The following EPPK1 variants were observed in gnomAD, a reference collection of about 807,000 sequenced individuals.
EPPK1 encodes the protein epiplakin 1.
For synonymous variants in EPPK1, 1,862 were observed against 1,721.2 expected (o/e 1.08, Z -2.03); for missense variants, 3,823 against 3,673.3 (o/e 1.04, Z -1.05).
At position 143,872,167 on chromosome 8, in the gene EPPK1, C is replaced by T. The variant is rs556501835; in HGVS notation, c.1087G>A (p.Val363Met). The change falls in exon 2 of 2, where the codon GTG becomes ATG. Residue 363 changes from valine (V) to methionine (M), a missense_variant. Physicochemically the swap from Val to Met is conservative, Grantham distance 21. Transcript: ENST00000615648. ...HEQLLVAEQA[V>M]TGHHDPFSGS... ...CTGAAGGGGTCGTGGTGCCCTGTCACGGCCTGCTCGGCCACCAGGAGCTGC... is the reference window on the plus strand; with the variant it reads ...CTGAAGGGGTCGTGGTGCCCTGTCATGGCCTGCTCGGCCACCAGGAGCTGC... The T allele has an allele frequency of 4.2e-5, 67 of 1,587,382 alleles. No homozygotes were observed. In the East Asian group the frequency reaches 9.7e-4, roughly 23 times the overall value.
Position 143,870,066 on chromosome 8 carries a change from G to T in EPPK1, c.3188C>A (p.Ala1063Asp), listed in dbSNP as rs1554660603. The change falls in exon 2 of 2, where the codon GCC becomes GAC. Residue 1063 changes from alanine to aspartate, a missense_variant. Ala to Asp is a moderately radical substitution (Grantham distance 126, BLOSUM62 -2). Coordinates refer to ENST00000615648, the MANE Select transcript of EPPK1 (RefSeq NM_031308.4). The surrounding 1 kb of genome is among the most constrained non-coding windows in gnomAD (Gnocchi z 5.2). ...TSHHHLPMPV[A>D]IQRGYVDQEM... ...CTGGTCAACATAGCCACGCTGAATG[G>T]CCACTGGCATGGGGAGGTGGTGGTG... 1.2e-6 allele frequency: 2 copies of T among 1,610,566 alleles called. No individual in the cohort carries two copies.
rs1241891345 is a variant in EPPK1 at position 143,867,847 on chromosome 8, G to A, written c.5407C>T (p.Pro1803Ser). Residue 1803 changes from proline to serine, a missense_variant, in exon 2 of 2, where the codon CCA (proline) becomes TCA (serine). By Grantham distance (74) the Pro-to-Ser change is moderately conservative. Transcript: ENST00000615648. ...VVSFWDLLSS[P>S]YFTEDRKREL... ...CGCTTCCTGTCCTCTGTGAAGTATG[G>A]AGAGGACAGCAGGTCCCAGAAAGAG... 2 of 1,613,306 alleles carry A rather than the reference G, an allele frequency of 1.2e-6. No individual in the cohort carries two copies. Among genetic ancestry groups the A allele is most frequent in the Non-Finnish European group, 1.7e-6 (2 of 1,179,770 alleles).
Position 143,872,724 on chromosome 8 carries a change from T to C in EPPK1, c.530A>G (p.Gln177Arg). ...CCATGTCTCCCGGTCCAGGAGGCCC[T>C]GGTGGCAGGCTGGCTCAGGGGCCAC... ...VLVAPEPACH[Q>R]GLLDRETWHK... Residue 177 changes from glutamine (Q) to arginine (R), a missense_variant, in exon 2 of 2, where the codon CAG becomes CGG. Gln to Arg is a conservative substitution (Grantham distance 43). Transcript: ENST00000615648. 6.3e-7 allele frequency: 1 copy of C among 1,593,974 alleles called. No homozygotes were observed.
rs782164720 is a variant in EPPK1, at chr8:143,869,765, C to T, written c.3489G>A (p.Glu1163=). 4.4e-6 allele frequency: 7 copies of T among 1,603,608 alleles called. No homozygotes were observed. The highest frequency in any genetic ancestry group is 4.5e-5 in the East Asian group (2 of 44,326). The stretch of plus-strand genomic sequence containing the variant: ...CAGTGGTCCTCCCCTCCTGCACGTC[C>T]TCCAGCAGGCCCCTCCGTTGCTCCT... ...FTEEQRRGLL[E]DVQEGRTTVP... is the part of the protein sequence containing the mutation. Residue 1163 remains glutamate (E), a synonymous_variant, in exon 2 of 2, where the codon GAG becomes GAA. Coordinates refer to ENST00000615648, the MANE Select transcript of EPPK1 (RefSeq NM_031308.4).
rs1342908009 is a variant in EPPK1 at position 143,857,806 on chromosome 8, C to T, written c.*181G>A. 1.7e-5 allele frequency: 9 copies of T among 531,022 alleles called. No homozygotes were observed. Among genetic ancestry groups the T allele is most frequent in the African/African-American group, 4.0e-5 (2 of 50,280 alleles). 32.9% of individuals were successfully genotyped at this position (531,022 alleles called of 1,614,324 possible). On this transcript the variant is annotated 3_prime_UTR_variant, in exon 2 of 2. Coordinates refer to ENST00000615648, the MANE Select transcript of EPPK1 (RefSeq NM_031308.4). ...ACACCAAAAAACTTATGAAACACCT[C>T]GATGGACAAAGGAAAAGTTTCTGTC... is the stretch of plus-strand genomic sequence containing the variant.
chr8:143,871,904 C>G lies in EPPK1; in HGVS notation c.1350G>C (p.Gln450His), dbSNP rs1451217328. ...DGTHGGLRYE[Q>H]LLALCVTDPE... ...GGTCGGTGACACAGAGGGCCAGCAG[C>G]TGTTCATAGCGCAGGCCGCCGTGCG... The change falls in exon 2 of 2, where the codon CAG (glutamine) becomes CAC (histidine). Residue 450 changes from glutamine (Q) to histidine (H), a missense_variant. Transcript: ENST00000615648. 1 of 1,608,266 alleles carries G rather than the reference C, an allele frequency of 6.2e-7. No individual in the cohort carries two copies. Among genetic ancestry groups the G allele is most frequent in the Non-Finnish European group, 8.5e-7 (1 of 1,179,682 alleles).
At position 143,869,655 on chromosome 8, in the gene EPPK1, C is replaced by T. The variant is rs558373320; in HGVS notation, c.3599G>A (p.Arg1200Gln). ...CAGCCAGACAGCGGGTACCTCACCC[C>T]GTGGGCCGGGCACCATGACGCGGGC... ...AQARVMVPGP[R>Q]GEVPAVWLLD... Residue 1200 changes from arginine to glutamine, a missense_variant, in exon 2 of 2, where the codon CGG (arginine) becomes CAG (glutamine). Physicochemically the swap from Arg to Gln is conservative, Grantham distance 43 (BLOSUM62 1). Transcript: ENST00000615648. The T allele has an allele frequency of 1.9e-5, 31 of 1,593,164 alleles. No individual in the cohort carries two copies. Among genetic ancestry groups the T allele is most frequent in the East Asian group, 1.6e-4 (7 of 43,858 alleles).
At chr8:143,875,794 G>T (rs574362093) in intron 1 of EPPK1, among the ~76,000 whole-genome samples, 1 of 152,230 alleles carries the variant, frequency 6.6e-6, no homozygotes, top group African/African-American at 2.4e-5. Flanking sequence ...AGGCACAGCC[G>T]GGGTGCCAGC....
Position 143,868,171 on chromosome 8 carries a change from G to A in EPPK1, c.5083C>T (p.His1695Tyr), listed in dbSNP as rs781993312. 1.5e-5 allele frequency: 25 copies of A among 1,613,062 alleles called. No homozygotes were observed. The South Asian group carries it at 2.6e-4, about 17-fold the overall frequency. ...ACGTCCACGGGCACGCGGTGGCTGT[G>A]CACGGGGTCGATGATGCCGCCCGTG... ...IATGGIIDPVHSHRVPVDVAY... is the reference protein window; with the variant it reads ...IATGGIIDPVYSHRVPVDVAY... The change falls in exon 2 of 2, where the codon CAC becomes TAC. Residue 1695 changes from histidine to tyrosine, a missense_variant. His to Tyr is a moderately conservative substitution (Grantham distance 83). Transcript: ENST00000615648.
chr8:143,870,874 A>G lies in EPPK1; in HGVS notation c.2380T>C (p.Tyr794His). ...TGCGTGCTGCTGAGTGGCAGGAGGTACAGGCCCGTCTCGGGGTCACGCACA... is the reference window on the plus strand; with the variant it reads ...TGCGTGCTGCTGAGTGGCAGGAGGTGCAGGCCCGTCTCGGGGTCACGCACA... Reference protein sequence around the residue: ...RCVRDPETGLYLLPLSSTQSP... With the variant: ...RCVRDPETGLHLLPLSSTQSP... Residue 794 changes from tyrosine (Y) to histidine (H), a missense_variant, in exon 2 of 2, where the codon TAC becomes CAC. Transcript: ENST00000615648. The surrounding 1 kb of genome is among the most constrained non-coding windows in gnomAD (Gnocchi z 5.2). 1 of 1,612,876 alleles carries G rather than the reference A, an allele frequency of 6.2e-7. No individual in the cohort carries two copies. Among genetic ancestry groups the G allele is most frequent in the Non-Finnish European group, 8.5e-7 (1 of 1,179,894 alleles).
At chr8:143,879,173 G>A (rs1282039535), upstream of EPPK1, among the ~76,000 whole-genome samples, 3 of 152,294 alleles carry the variant, frequency 2.0e-5, no homozygotes, top group South Asian at 2.1e-4. Flanking sequence ...AGCCTGGCAC[G>A]GGAACCTTCC....
At chr8:143,875,708 C>T (rs782306175) in intron 1 of EPPK1, among the ~76,000 whole-genome samples, 3 of 152,262 alleles carry the variant, frequency 2.0e-5, no homozygotes, top group African/African-American at 4.8e-5. Context: ...CAATGGGCCA[C>T]GGGCCCGCTG....
In EPPK1 at chr8:143,872,475, CCCTGCACAG is replaced by C. The variant is rs781914245; in HGVS notation, c.770_778del (p.Ala257_Gln259del). The C allele has an allele frequency of 2.5e-6, 4 of 1,592,334 alleles. No homozygotes were observed. The highest frequency in any genetic ancestry group is 1.6e-4 in the Middle Eastern group (1 of 6,072). On this transcript the variant is annotated inframe_deletion, in exon 2 of 2. Coordinates refer to ENST00000615648, the MANE Select transcript of EPPK1 (RefSeq NM_031308.4). ...TGCGGCCAGCCTGCCCTCCCGCAGA[CCCTGCACAG>C]CCTGCTCGTCCAGGATGCCCACCTC...
chr8:143,868,302 C>G lies in EPPK1; in HGVS notation c.4952G>C (p.Gly1651Ala). 1.2e-6 allele frequency: 2 copies of G among 1,613,170 alleles called. No individual in the cohort carries two copies. The highest frequency in any genetic ancestry group is 1.7e-6 in the Non-Finnish European group (2 of 1,180,018). The change falls in exon 2 of 2, where the codon GGC (glycine) becomes GCC (alanine). Residue 1651 changes from glycine to alanine, a missense_variant. Gly to Ala is a moderately conservative substitution (Grantham distance 60). Transcript: ENST00000615648. ...CTGCCCGGTATAGGGGTCGGTGTAG[C>G]CGGTGACGGCGCGCTCGGCCGACAG... ...KLLSAERAVT[G>A]YTDPYTGQQI...
chr8:143,866,639 G>C lies in EPPK1; in HGVS notation c.6615C>G (p.Ser2205Arg). 2 of 1,613,012 alleles carry C rather than the reference G, an allele frequency of 1.2e-6. No homozygotes were observed. Among genetic ancestry groups the C allele is most frequent in the Middle Eastern group, 1.6e-4 (1 of 6,062 alleles). ...EMLQDLETGR[S>R]TTQELMEDDR... Reference sequence around the variant, plus strand: ...CGTCCTCCATGAGCTCTTGCGTCGTGCTCCGTCCCGTTTCCAGGTCCTGGA... The same window carrying C: ...CGTCCTCCATGAGCTCTTGCGTCGTCCTCCGTCCCGTTTCCAGGTCCTGGA... Residue 2205 changes from serine to arginine, a missense_variant, in exon 2 of 2, where the codon AGC becomes AGG. By Grantham distance (110) the Ser-to-Arg change is moderately radical (BLOSUM62 -1). Coordinates refer to ENST00000615648, the MANE Select transcript of EPPK1 (RefSeq NM_031308.4).
Position 143,867,243 on chromosome 8 carries a change from A to C in EPPK1, c.6011T>G (p.Leu2004Arg). The C allele has an allele frequency of 6.2e-7, 1 of 1,612,592 alleles. No homozygotes were observed. Among genetic ancestry groups the C allele is most frequent in the Non-Finnish European group, 8.5e-7 (1 of 1,179,756 alleles). Residue 2004 changes from leucine to arginine, a missense_variant, in exon 2 of 2, where the codon CTG becomes CGG. Coordinates refer to ENST00000615648, the MANE Select transcript of EPPK1 (RefSeq NM_031308.4). The part of the protein sequence containing the change: ...QKQLIEKAEA[L>R]RLLEVQVATG... ...GGCCACCTGCACCTCCAGCAGCCTC[A>C]GTGCCTCCGCCTTCTCGATGAGCTG... is the stretch of plus-strand genomic sequence containing the variant.
In EPPK1 at chr8:143,872,527, T is replaced by A; in HGVS notation, c.727A>T (p.Ser243Cys). 1 of 1,601,120 alleles carries A rather than the reference T, an allele frequency of 6.2e-7. No homozygotes were observed. The change falls in exon 2 of 2, where the codon AGT becomes TGT. Residue 243 changes from serine (S) to cysteine (C), a missense_variant. Physicochemically the swap from Ser to Cys is moderately radical, Grantham distance 112. Transcript: ENST00000615648. ...ITFRSMGGAV[S>C]AAELLEVGIL... ...CCCACCTCCAGCAGCTCAGCTGCAC[T>A]CACCGCCCCGCCCATGGAGCGGAAG...
chr8:143,868,925 G>C lies in EPPK1; in HGVS notation c.4329C>G (p.Asp1443Glu), dbSNP rs782295975. 1 of 1,610,868 alleles carries C rather than the reference G, an allele frequency of 6.2e-7. No homozygotes were observed. The highest frequency in any genetic ancestry group is 2.2e-5 in the East Asian group (1 of 44,874). ...PLPSDTVLEVDDHTAVALRAM... is the reference protein window; with the variant it reads ...PLPSDTVLEVEDHTAVALRAM... ...CCCTCAGAGCCACCGCGGTGTGGTC[G>C]TCCACCTCAAGCACTGTGTCTGAGG... The change falls in exon 2 of 2, where the codon GAC becomes GAG. Residue 1443 changes from aspartate (D) to glutamate (E), a missense_variant. Coordinates refer to ENST00000615648, the MANE Select transcript of EPPK1 (RefSeq NM_031308.4).
Position 143,867,842 on chromosome 8 carries a change from G to C in EPPK1, c.5412C>G (p.Tyr1804Ter), listed in dbSNP as rs374536102. 4.3e-6 allele frequency: 7 copies of C among 1,613,362 alleles called. No homozygotes were observed. The African/African-American group carries it at 9.3e-5, about 22-fold the overall frequency. ...GCTCCCGCTTCCTGTCCTCTGTGAA[G>C]TATGGAGAGGACAGCAGGTCCCAGA... ...VSFWDLLSSP[Y>*]FTEDRKRELI... Residue 1804 changes from tyrosine (Y) to a stop codon, truncating the protein, a stop_gained, in exon 2 of 2, where the codon TAC (tyrosine) becomes TAG (stop). Coordinates refer to ENST00000615648, the MANE Select transcript of EPPK1 (RefSeq NM_031308.4). LOFTEE classifies it low-confidence loss of function (END_TRUNC).
Sources: allele counts gnomAD v4.1 joint callset (sites outside exome capture counted in the v4.1 genomes callset), GRCh38; gene constraint gnomAD v4.1.1; non-coding constraint Gnocchi (gnomAD v3.1); transcripts MANE v1.5; gene names NCBI Gene and HGNC (gene_info 2026-07-23, HGNC 2026-07-21).